SIN3A: variants seen among roughly 807,000 people sequenced by gnomAD.
SIN3A encodes the protein paired amphipathic helix protein Sin3a.
SIN3A carries 14 observed loss-of-function variants against 146.1 expected under a neutral mutation model. That is an observed-to-expected ratio of 0.10 (90% CI 0.06 to 0.15). The LOEUF (loss-of-function observed/expected upper bound fraction) is 0.15. SIN3A is among the 10% of genes least tolerant of loss of function. The pLI is 1.00. For missense variants in SIN3A, 1,028 were observed against 1,576.0 expected, an observed-to-expected ratio of 0.65 and a Z score of 5.89; for synonymous variants, 572 against 572.0, an observed-to-expected ratio of 1.00 and a Z score of 0.00.
intron 19 of SIN3A, among the ~76,000 whole-genome samples, chr15:75,379,018 G>A (rs541545298): frequency 5.8e-4 from 88 of 152,046 alleles, no homozygotes; most frequent in Middle Eastern, 6.8e-3. Flanking sequence ...TCCTGCCTCA[G>A]CCTCCCGAGT....
chr15:75,450,397 A>G (rs888900302), intron 1 of SIN3A, among the ~76,000 whole-genome samples: 3 of 152,060 alleles, frequency 2.0e-5, no homozygotes, highest in African/African-American at 7.2e-5. Flanking sequence ...CCGTACAGCC[A>G]CGGTAACTGA....
intron 16 of SIN3A, among the ~76,000 whole-genome samples, chr15:75,385,495 C>T (rs1299220012): frequency 2.0e-5 from 3 of 152,156 alleles, no homozygotes; most frequent in Admixed American, 2.0e-4. Context: ...GAAAGTTGAA[C>T]GTTTCAGAGT....
chr15:75,452,844 G>T (rs1212904911), upstream of SIN3A: 1 of 152,310 alleles, frequency 6.6e-6, no homozygotes, highest in African/African-American at 2.4e-5. Flanking sequence ...TAAAATTTCC[G>T]TAGTTGGGGA....
intron 1 of SIN3A, among the ~76,000 whole-genome samples, chr15:75,436,840 G>A (rs1314727762): frequency 1.3e-5 from 2 of 151,850 alleles, no homozygotes; most frequent in African/African-American, 2.4e-5. Context: ...AATTGGGAAA[G>A]GGATACAGAC....
At chr15:75,440,759 G>A (rs539316042) in intron 1 of SIN3A, among the ~76,000 whole-genome samples, 5 of 152,118 alleles carry the variant, frequency 3.3e-5, no homozygotes, top group African/African-American at 9.6e-5. Flanking sequence ...AAGGCAGGCG[G>A]ATTACGAGGT....
chr15:75,430,349 C>T lies in SIN3A; in HGVS notation c.27G>A (p.Glu9=), dbSNP rs776112116. ...GCTGCTGGGCTGCATACACCGGTGA[C>T]TCCTGGTCATCCAAACGCCGCTTCA... is the stretch of plus-strand genomic sequence containing the variant. MKRRLDDQ[E]SPVYAAQQRR... Residue 9 remains glutamate (E), a synonymous_variant, in exon 2 of 21, where the codon GAG becomes GAA. Transcript: ENST00000394947. 6.8e-6 allele frequency: 11 copies of T among 1,612,580 alleles called. No individual in the cohort carries two copies. In the East Asian group the frequency reaches 2.5e-4, roughly 36 times the overall value.
At chr15:75,379,146 C>T (rs2072919068) in intron 19 of SIN3A, among the ~76,000 whole-genome samples, 1 of 152,286 alleles carries the variant, frequency 6.6e-6, no homozygotes, top group East Asian at 1.9e-4. Context: ...TGATCCACAG[C>T]CTCGGCCTCC....
chr15:75,446,045 G>A (rs1012827885), intron 1 of SIN3A, among the ~76,000 whole-genome samples: 1 of 152,092 alleles, frequency 6.6e-6, no homozygotes, highest in Non-Finnish European at 1.5e-5. Context: ...CTATGCACCA[G>A]GTGTTTTAGG....
Position 75,377,192 on chromosome 15 carries a change from C to G in SIN3A, c.3384-1320G>C, listed in dbSNP as rs556275510. ...GAGCTTTTCATACAGTTGTCAAACT[C>G]TGTTGGTTTATCTTGTACCATCAAT... On this transcript the variant is annotated intron_variant, in intron 19 of 20. Coordinates refer to ENST00000394947, the MANE Select transcript of SIN3A (RefSeq NM_001145358.2). 3.3e-5 allele frequency among the ~76,000 whole-genome samples: 5 copies of G among 152,290 alleles called. No homozygotes were observed. In the South Asian group the frequency reaches 1.0e-3, roughly 32 times the overall value.
Position 75,445,380 on chromosome 15 carries a change from CAAA to C in SIN3A, c.-34+6040_-34+6042del, listed in dbSNP as rs10539996. On this transcript the variant is annotated intron_variant, in intron 1 of 20. Transcript: ENST00000394947. Reference sequence around the variant, plus strand: ...TGGGCGACAGAGCGAGACACTGTCTCAAAAAAAAAAAAAAAAAAAAAAAAATTA... The same window carrying C: ...TGGGCGACAGAGCGAGACACTGTCTCAAAAAAAAAAAAAAAAAAAAAATTA... 4.9e-3 allele frequency among the ~76,000 whole-genome samples: 312 copies of C among 63,586 alleles called. 2 individuals carry two copies. The highest frequency in any genetic ancestry group is 0.016 in the African/African-American group (233 of 14,676). The allele number at this position is 63,586 out of a possible 152,430, so 41.7% of individuals were successfully genotyped here. A position where few individuals can be genotyped will look rare whatever the true frequency, so the allele number is the denominator to read the frequency against.
In SIN3A at chr15:75,384,453, G is replaced by C. The variant is rs1407282508; in HGVS notation, c.3022-16C>G. On this transcript the variant is annotated splice_polypyrimidine_tract_variant and intron_variant, in intron 16 of 20. Transcript: ENST00000394947. ...TATGCTGCAGCTGGAAGCAAACAAA[G>C]GCAAGCTTTTAGTGAACACAGAAAA... 5.1e-6 allele frequency: 8 copies of C among 1,578,686 alleles called. No individual in the cohort carries two copies. Among genetic ancestry groups the C allele is most frequent in the East Asian group, 4.7e-5 (2 of 42,406 alleles).
rs2073162345 is a variant in SIN3A, at chr15:75,389,781, G to A, written c.2892C>T (p.Asp964=). 6.2e-7 allele frequency: 1 copy of A among 1,614,138 alleles called. No homozygotes were observed. Among genetic ancestry groups the A allele is most frequent in the Admixed American group, 1.7e-5 (1 of 60,006 alleles). ...TGCCATCCAGCAGGCTCCGCACCAT[G>A]TCCAGGAAAGCTGGGTAATAATCTT... ...DVEDYYPAFL[D]MVRSLLDGNI... The change falls in exon 16 of 21, where the codon GAC becomes GAT. Residue 964 remains aspartate (D), a synonymous_variant. Coordinates refer to ENST00000394947, the MANE Select transcript of SIN3A (RefSeq NM_001145358.2).
chr15:75,409,830 T>C lies in SIN3A; in HGVS notation c.1317+6A>G. On this transcript the variant is annotated splice_donor_region_variant and intron_variant, in intron 8 of 20. Transcript: ENST00000394947. ...GTCAAAATGAGCAGCTGCTGCCCAT[T>C]CTCACCTTAACTGGAGGGGTGGTTC... 6.2e-7 allele frequency: 1 copy of C among 1,611,890 alleles called. No individual in the cohort carries two copies. Among genetic ancestry groups the C allele is most frequent in the Non-Finnish European group, 8.5e-7 (1 of 1,179,614 alleles).
chr15:75,371,954 C>G lies in SIN3A; in HGVS notation c.*25G>C. On this transcript the variant is annotated 3_prime_UTR_variant, in exon 21 of 21. Coordinates refer to ENST00000394947, the MANE Select transcript of SIN3A (RefSeq NM_001145358.2). ...CACACACACATCCCCACACACACCC[C>G]AAGTTATCTGCTCTGGCTTTGCAGT... The G allele has an allele frequency of 6.2e-7, 1 of 1,603,382 alleles. No individual in the cohort carries two copies. The highest frequency in any genetic ancestry group is 1.7e-5 in the Admixed American group (1 of 59,982).
intron 20 of SIN3A, 73 bp downstream of exon 20, chr15:75,375,592 G>C (rs901845287): frequency 1.0e-5 from 12 of 1,195,396 alleles, no homozygotes; most frequent in Non-Finnish European, 1.5e-5. Flanking sequence ...AAAACAATCA[G>C]AAGACTCTGG....
chr15:75,406,038 G>C (rs1171232612), intron 9 of SIN3A, among the ~76,000 whole-genome samples: 1 of 152,128 alleles, frequency 6.6e-6, no homozygotes, highest in East Asian at 1.9e-4. Flanking sequence ...AAGGGATCAG[G>C]AGATACTAAT....
At chr15:75,445,719 C>A (rs374786226) in intron 1 of SIN3A, among the ~76,000 whole-genome samples, 2 of 144,266 alleles carry the variant, frequency 1.4e-5, no homozygotes, top group East Asian at 4.1e-4. Context: ...CCACTGCACT[C>A]TAGCCTGGGC....
Position 75,375,622 on chromosome 15 carries a change from A to C in SIN3A, c.3591+43T>G, listed in dbSNP as rs1027013727. On this transcript the variant is annotated intron_variant, in intron 20 of 20. Coordinates refer to ENST00000394947, the MANE Select transcript of SIN3A (RefSeq NM_001145358.2). The stretch of plus-strand genomic sequence containing the variant: ...CTCTGGGCCTCCCCTGGTCCTAGCT[A>C]GGGTGGGAGATGTGTACAGAAATTT... 3 of 1,494,454 alleles carry C rather than the reference A, an allele frequency of 2.0e-6. No homozygotes were observed. In the African/African-American group the frequency reaches 4.1e-5, roughly 21 times the overall value. The allele number at this position is 1,494,454 out of a possible 1,614,324, so 92.6% of individuals were successfully genotyped here.
At chr15:75,373,303 G>A (rs902656273) in intron 20 of SIN3A, among the ~76,000 whole-genome samples, 5 of 152,042 alleles carry the variant, frequency 3.3e-5, no homozygotes, top group South Asian at 2.1e-4. Context: ...TCTTGAACCC[G>A]GGAAGTGGAG....
Sources: gnomAD v4.1 joint callset for allele counts (sites outside exome capture counted in the v4.1 genomes callset) on GRCh38, gnomAD v4.1.1 for gene constraint, MANE v1.5 for transcripts, NCBI Gene and HGNC (gene_info 2026-07-23, HGNC 2026-07-21) for gene names.